Variants in AR observed in about 807,000 individuals in gnomAD.
AR encodes the protein dihydrotestosterone receptor.
Under a neutral mutation model 53.9 loss-of-function variants are expected in AR, and 8 were observed. The ratio of observed to expected loss-of-function variants is 0.15; its 90% CI spans 0.09 to 0.27. The LOEUF (loss-of-function observed/expected upper bound fraction) is 0.27, where lower values mean the gene tolerates loss of function less well. AR is among the 10% of genes least tolerant of loss of function. The pLI is 1.00. For missense variants in AR, 639 were observed against 742.5 expected, an observed-to-expected ratio of 0.86 and a Z score of 1.62; for synonymous variants, 359 against 316.4, an observed-to-expected ratio of 1.13 and a Z score of -1.43.
chrX:67,628,245 G>T (rs1185838455), intron 1 of AR, among the ~76,000 whole-genome samples: 1 of 107,194 alleles, frequency 9.3e-6, no homozygotes, highest in Non-Finnish European at 1.9e-5. Flanking sequence ...CCATTTTCAC[G>T]ATATTGATTC....
chrX:67,658,114 G>T (rs1490958825), intron 2 of AR, among the ~76,000 whole-genome samples: 2 of 112,182 alleles, frequency 1.8e-5, no homozygotes, highest in Non-Finnish European at 3.8e-5. Context: ...CCATAATCAA[G>T]AAATAGTATT....
intron 1 of AR, among the ~76,000 whole-genome samples, chrX:67,604,078 A>G (rs760453012): frequency 2.4e-4 from 26 of 110,583 alleles, no homozygotes; most frequent in Non-Finnish European, 4.2e-4. Flanking sequence ...TAATTCTGAG[A>G]GGGTGGGTAA....
intron 2 of AR, among the ~76,000 whole-genome samples, chrX:67,660,312 G>A (rs1367321409): frequency 8.9e-6 from 1 of 111,754 alleles, no homozygotes; most frequent in Non-Finnish European, 1.9e-5. Flanking sequence ...GAATGGTATT[G>A]CGTAGGTTTT....
chrX:67,668,458 G>T (rs1459885864), intron 2 of AR, among the ~76,000 whole-genome samples: 1 of 111,244 alleles, frequency 9.0e-6, no homozygotes, highest in Non-Finnish European at 1.9e-5. Context: ...GTTGAATTCA[G>T]TTTGCTAGTA....
chrX:67,720,879 TACAC>T lies in AR; in HGVS notation c.2319-927_2319-924del, dbSNP rs113739371. Among the ~76,000 whole-genome samples the T allele has an allele frequency of 4.5e-3, 456 of 100,771 alleles. 1 individual carries two copies. Among genetic ancestry groups the T allele is most frequent in the East Asian group, 9.8e-3 (31 of 3,166 alleles). 87.5% of individuals were successfully genotyped at this position (100,771 alleles called of 115,157 possible). On this transcript the variant is annotated intron_variant, in intron 5 of 7. Coordinates refer to ENST00000374690, the MANE Select transcript of AR (RefSeq NM_000044.6). ...CACGCTGCACAATCAATTTCTGTCT[TACAC>T]ACACACACACACACACACACACACA...
At chrX:67,711,894 C>T (rs1416900461) in intron 4 of AR, among the ~76,000 whole-genome samples, 2 of 112,006 alleles carry the variant, frequency 1.8e-5, no homozygotes, top group East Asian at 2.8e-4. Flanking sequence ...ATAGTATTAT[C>T]GGGTGTCTTA....
chrX:67,671,397 T>C (rs1156466365), intron 2 of AR, among the ~76,000 whole-genome samples: 1 of 112,782 alleles, frequency 8.9e-6, no homozygotes, highest in African/African-American at 3.2e-5. Flanking sequence ...AAATGTCTTC[T>C]TTTGAGAAGT....
chrX:67,616,812 C>A (rs754544812), intron 1 of AR, among the ~76,000 whole-genome samples: 11 of 111,207 alleles, frequency 9.9e-5, no homozygotes, highest in Non-Finnish European at 2.1e-4. Context: ...ACAAAACAAG[C>A]CCCAGCTACT....
chrX:67,584,149 T>A, intron 1 of AR, among the ~76,000 whole-genome samples: 1 of 111,945 alleles, frequency 8.9e-6, no homozygotes, highest in Non-Finnish European at 1.9e-5. Context: ...AAAGAAAATA[T>A]ATTGTCTATA....
Position 67,556,384 on chromosome X carries a change from A to T in AR, c.1616+9622A>T, listed in dbSNP as rs147281459. 1.4e-3 allele frequency among the ~76,000 whole-genome samples: 151 copies of T among 111,713 alleles called. No homozygotes were observed. In the East Asian group the frequency reaches 0.017, roughly 12 times the overall value. On this transcript the variant is annotated intron_variant, in intron 1 of 7. Transcript: ENST00000374690. Reference sequence around the variant, plus strand: ...AACCACAAGTGGTATCAATACTAGAAATTTATGAATTTCTTAAGGCTTCTA... The same window carrying T: ...AACCACAAGTGGTATCAATACTAGATATTTATGAATTTCTTAAGGCTTCTA...
intron 3 of AR, among the ~76,000 whole-genome samples, chrX:67,704,053 C>T (rs1212283752): frequency 2.7e-5 from 3 of 112,011 alleles, no homozygotes; most frequent in Non-Finnish European, 5.6e-5. Flanking sequence ...CATTGATGGA[C>T]ATTTGGGTTG....
intron 3 of AR, among the ~76,000 whole-genome samples, chrX:67,698,423 C>T (rs2076029683): frequency 8.9e-6 from 1 of 112,931 alleles, no homozygotes. Flanking sequence ...TAGACTGCCC[C>T]TAGGCAGGGC....
chrX:67,720,278 G>T (rs1773030496), intron 5 of AR, among the ~76,000 whole-genome samples: 1 of 109,353 alleles, frequency 9.1e-6, no homozygotes. Context: ...TGTCTCCCTA[G>T]TATTTTTCCC....
rs937106225 is a variant in AR at position 67,730,202 on chromosome X, G to A, written c.*6361G>A. ...AAATAAGAAGAGAGAGAGAAAGAAA[G>A]CATCACACAAAGATTTTCTTAAAAG... On this transcript the variant is annotated 3_prime_UTR_variant, in exon 8 of 8. Transcript: ENST00000374690. 1.8e-5 allele frequency: 3 copies of A among 164,974 alleles called. No individual in the cohort carries two copies. Among genetic ancestry groups the A allele is most frequent in the South Asian group, 3.4e-4 (1 of 2,915 alleles). The allele number at this position is 164,974 out of a possible 1,213,427, so 13.6% of individuals were successfully genotyped here.
intron 2 of AR, among the ~76,000 whole-genome samples, chrX:67,672,492 A>ATT (rs200478763): frequency 2.0e-5 from 2 of 101,002 alleles, no homozygotes; most frequent in African/African-American, 7.2e-5. Flanking sequence ...CTTCCTTTTT[A>ATT]TTTTTTTTTG....
intron 1 of AR, among the ~76,000 whole-genome samples, chrX:67,547,830 G>T (rs751771483): frequency 1.3e-4 from 14 of 111,812 alleles, no homozygotes; most frequent in Non-Finnish European, 2.4e-4. Flanking sequence ...CCTATGAGCC[G>T]TAATCTTACC....
At chrX:67,683,805 T>C (rs1191181020) in intron 2 of AR, among the ~76,000 whole-genome samples, 2 of 111,493 alleles carry the variant, frequency 1.8e-5, no homozygotes, top group African/African-American at 3.3e-5. Flanking sequence ...TAGGTTGCCT[T>C]GTTTTAGACC....
rs2147436250 is a variant in AR, at chrX:67,643,325, C to T, written c.1686C>T (p.Ile562=). 2 of 1,211,405 alleles carry T rather than the reference C, an allele frequency of 1.7e-6. No individual in the cohort carries two copies. Among genetic ancestry groups the T allele is most frequent in the Non-Finnish European group, 2.2e-6 (2 of 895,307 alleles). ...YYFPPQKTCL[I]CGDEASGCHY... is the part of the protein sequence containing the mutation. ...TTCCACCCCAGAAGACCTGCCTGAT[C>T]TGTGGAGATGAAGCTTCTGGGTGTC... Residue 562 remains isoleucine (I), a synonymous_variant, in exon 2 of 8, where the codon ATC becomes ATT. Coordinates refer to ENST00000374690, the MANE Select transcript of AR (RefSeq NM_000044.6).
rs1300148836 is a variant in AR at position 67,695,765 on chromosome X, A to ACT, written c.1885+9640_1885+9641insTC. On this transcript the variant is annotated intron_variant, in intron 3 of 7. Transcript: ENST00000374690. ...CACACACACACACACACACACACACACACACACGCTCTCTCTCTCTCTCCC... is the reference window on the plus strand; with the variant it reads ...CACACACACACACACACACACACACACTCACACACGCTCTCTCTCTCTCTCCC... The ACT allele has an allele frequency of 6.9e-4, 511 of 739,801 alleles. 9 individuals are homozygous for ACT. The highest frequency in any genetic ancestry group is 4.6e-3 in the Middle Eastern group (6 of 1,300). 61.0% of individuals were successfully genotyped at this position (739,801 alleles called of 1,213,427 possible).
Sources: gnomAD v4.1 joint callset for allele counts (sites outside exome capture counted in the v4.1 genomes callset) on GRCh38, gnomAD v4.1.1 for gene constraint, MANE v1.5 for transcripts, NCBI Gene and HGNC (gene_info 2026-07-23, HGNC 2026-07-21) for gene names.